SYNPO2: variants seen among roughly 807,000 people sequenced by gnomAD.
SYNPO2 encodes the protein synaptopodin-2.
A neutral mutation model predicts 85.0 loss-of-function variants in SYNPO2; 56 were observed. The observed-to-expected ratio is 0.66, with a 90% confidence interval of 0.53 to 0.82. The LOEUF is 0.82. SYNPO2 is among the 40% of genes least tolerant of loss of function. SYNPO2 has a pLI of 0.00. For synonymous variants in SYNPO2, 602 were observed against 591.1 expected (o/e 1.02, Z -0.27); for missense variants, 1,575 against 1,534.2 (o/e 1.03, Z -0.44).
chr4:118,879,498 T>C (rs1732027266), intron 1 of SYNPO2, among the ~76,000 whole-genome samples: 1 of 152,188 alleles, frequency 6.6e-6, no homozygotes, highest in African/African-American at 2.4e-5. Flanking sequence ...ATGATCTTTC[T>C]CTATGTGAGG....
rs745685633 is a variant in SYNPO2, at chr4:119,031,905, G to A, written c.3130G>A (p.Val1044Ile). Reference sequence around the variant, plus strand: ...CTTCTTTGCAGAGGCCTCCTCACCAGTCAGTGCATCCCCAGTGCCTGTGGG... The same window carrying A: ...CTTCTTTGCAGAGGCCTCCTCACCAATCAGTGCATCCCCAGTGCCTGTGGG... ...PSFFAEASSP[V>I]SASPVPVGIP... Residue 1044 changes from valine to isoleucine, a missense_variant, in exon 4 of 5, where the codon GTC becomes ATC. This residue lies in a region of SYNPO2 where 1,508 missense variants were observed against 1,446.8 expected (regional missense o/e 1.04). Coordinates refer to ENST00000307142, the MANE Select transcript of SYNPO2 (RefSeq NM_133477.3). 32 of 1,614,200 alleles carry A rather than the reference G, an allele frequency of 2.0e-5. No individual in the cohort carries two copies. The South Asian group carries it at 2.2e-4, about 11-fold the overall frequency.
chr4:119,028,085 T>C (rs1738049405), intron 3 of SYNPO2, among the ~76,000 whole-genome samples: 1 of 152,180 alleles, frequency 6.6e-6, no homozygotes, highest in South Asian at 2.1e-4. Context: ...TCTCCAAACA[T>C]AAAATATATT....
At chr4:118,893,487 C>T (rs930143115) in intron 1 of SYNPO2, among the ~76,000 whole-genome samples, 1 of 152,124 alleles carries the variant, frequency 6.6e-6, no homozygotes, top group African/African-American at 2.4e-5. Flanking sequence ...AATTGTGGCA[C>T]AGAAAGGCTA....
At chr4:119,015,112 A>G (rs963374089) in intron 1 of SYNPO2, among the ~76,000 whole-genome samples, 1 of 152,188 alleles carries the variant, frequency 6.6e-6, no homozygotes, top group African/African-American at 2.4e-5. Context: ...TCTTATATGT[A>G]TTATAGTTTG....
chr4:118,986,578 T>G (rs557231797), intron 1 of SYNPO2, among the ~76,000 whole-genome samples: 2 of 152,272 alleles, frequency 1.3e-5, no homozygotes, highest in Admixed American at 1.3e-4. Flanking sequence ...CCATCCCAAG[T>G]TTGAGAGATG....
At chr4:118,989,017 T>G (rs1190391393) in intron 1 of SYNPO2, among the ~76,000 whole-genome samples, 1 of 152,112 alleles carries the variant, frequency 6.6e-6, no homozygotes, top group Non-Finnish European at 1.5e-5. Flanking sequence ...AAGAACAAGG[T>G]GGTCACACAT....
intron 1 of SYNPO2, among the ~76,000 whole-genome samples, chr4:118,869,684 G>A (rs1446045836): frequency 1.3e-5 from 2 of 152,096 alleles, no homozygotes; most frequent in Non-Finnish European, 2.9e-5. Flanking sequence ...ATTTCATTAA[G>A]CCTGGATATA....
chr4:118,904,263 C>T (rs761860869), intron 1 of SYNPO2, among the ~76,000 whole-genome samples: 1 of 151,922 alleles, frequency 6.6e-6, no homozygotes, highest in East Asian at 1.9e-4. Flanking sequence ...AGCATGTTTG[C>T]GGTTATTCTA....
At chr4:118,861,054 T>C (rs1480566325) in intron 1 of SYNPO2, among the ~76,000 whole-genome samples, 10 of 152,222 alleles carry the variant, frequency 6.6e-5, no homozygotes, top group Non-Finnish European at 1.5e-4. Flanking sequence ...CATTTGTCTA[T>C]TTTTGTTTTG....
At chr4:118,946,270 G>A (rs1351309184) in intron 1 of SYNPO2, among the ~76,000 whole-genome samples, 2 of 152,202 alleles carry the variant, frequency 1.3e-5, no homozygotes, top group East Asian at 3.8e-4. Context: ...CTACCGTAAT[G>A]TATATGGTTT....
In SYNPO2 at chr4:119,060,373, G is replaced by A. The variant is rs1273775676; in HGVS notation, c.*2439G>A. ...TTCTATATTTGTAGCAGAAATCAGT[G>A]GTTTGAAAAGTCATACTTTGCAGAT... On this transcript the variant is annotated 3_prime_UTR_variant, in exon 5 of 5. Coordinates refer to ENST00000307142, the MANE Select transcript of SYNPO2 (RefSeq NM_133477.3). The A allele has an allele frequency of 1.3e-5, 2 of 152,166 alleles. No homozygotes were observed. Among genetic ancestry groups the A allele is most frequent in the Non-Finnish European group, 2.9e-5 (2 of 68,014 alleles). The allele number at this position is 152,166 out of a possible 1,614,324, so 9.4% of individuals were successfully genotyped here.
intron 1 of SYNPO2, among the ~76,000 whole-genome samples, chr4:118,943,411 A>C (rs1282063442): frequency 1.3e-5 from 2 of 152,228 alleles, no homozygotes; most frequent in Non-Finnish European, 2.9e-5. Context: ...TGAGAACCAA[A>C]ATCATAGGCT....
intron 1 of SYNPO2, among the ~76,000 whole-genome samples, chr4:118,979,560 C>G (rs911933436): frequency 1.3e-5 from 2 of 152,166 alleles, no homozygotes; most frequent in African/African-American, 4.8e-5. Context: ...AAGGCCTATC[C>G]CTGGCCTAAC....
At chr4:118,963,018 A>G (rs929610315) in intron 1 of SYNPO2, among the ~76,000 whole-genome samples, 1 of 152,224 alleles carries the variant, frequency 6.6e-6, no homozygotes, top group African/African-American at 2.4e-5. Flanking sequence ...ATATGAAGAC[A>G]GAAGGGAAGG....
intron 1 of SYNPO2, among the ~76,000 whole-genome samples, chr4:118,906,428 T>C (rs1043142267): frequency 2.0e-5 from 3 of 152,180 alleles, no homozygotes; most frequent in African/African-American, 7.2e-5. Context: ...TTACCTTAAC[T>C]ATATCACTGA....
intron 1 of SYNPO2, among the ~76,000 whole-genome samples, chr4:118,991,915 G>T (rs903764481): frequency 3.3e-5 from 5 of 152,162 alleles, no homozygotes; most frequent in Admixed American, 2.0e-4. Flanking sequence ...AGAATAAAAC[G>T]GGGAGAGGAT....
intron 1 of SYNPO2, among the ~76,000 whole-genome samples, chr4:118,943,663 G>A (rs1316216655): frequency 6.6e-6 from 1 of 152,128 alleles, no homozygotes; most frequent in African/African-American, 2.4e-5. Flanking sequence ...CAGGAATTTG[G>A]TTTTAGGAAA....
intron 1 of SYNPO2, among the ~76,000 whole-genome samples, chr4:118,929,135 AG>A (rs1014199444): frequency 2.0e-5 from 3 of 152,118 alleles, no homozygotes; most frequent in Admixed American, 2.0e-4. Context: ...AAAAGTAGGA[AG>A]GATGGAGGAA....
intron 1 of SYNPO2, 67 bp downstream of exon 1, chr4:118,889,208 G>C: frequency 7.1e-7 from 1 of 1,409,404 alleles, no homozygotes. Flanking sequence ...CCTGCTGATG[G>C]TGTTTTCAGG....
Sources: allele counts gnomAD v4.1 joint callset (sites outside exome capture counted in the v4.1 genomes callset), GRCh38; gene constraint gnomAD v4.1.1; regional missense constraint gnomAD v4.1.1; transcripts MANE v1.5; gene names NCBI Gene and HGNC (gene_info 2026-07-23, HGNC 2026-07-21).